NTNG1: variants seen among roughly 807,000 people sequenced by gnomAD.
The protein encoded by NTNG1 is netrin-G1.
NTNG1 carries 16 observed loss-of-function variants against 54.0 expected under a neutral mutation model. That is an observed-to-expected ratio of 0.30 (90% CI 0.20 to 0.45). The LOEUF is 0.45. NTNG1 is among the 20% of genes least tolerant of loss of function. The probability of loss-of-function intolerance (pLI) is 1.00; values close to 1 mark genes in which losing one functional copy is unlikely to be tolerated. For synonymous variants in NTNG1, 255 were observed against 263.1 expected (o/e 0.97, Z 0.30); for missense variants, 530 against 678.7 (o/e 0.78, Z 2.43).
At chr1:107,389,971 C>T (rs905234712) in intron 3 of NTNG1, among the ~76,000 whole-genome samples, 2 of 152,106 alleles carry the variant, frequency 1.3e-5, no homozygotes, top group Admixed American at 1.3e-4. Context: ...ATCGTGAGGC[C>T]GGAGGTCACA....
At chr1:107,460,200 A>T (rs1274504750) in intron 7 of NTNG1, among the ~76,000 whole-genome samples, 2 of 152,176 alleles carry the variant, frequency 1.3e-5, no homozygotes, top group Non-Finnish European at 2.9e-5. Context: ...CGTGAGCTTC[A>T]TGAAACTCAG....
chr1:107,157,395 AAGAT>A (rs1328667405), intron 2 of NTNG1, among the ~76,000 whole-genome samples: 1 of 152,194 alleles, frequency 6.6e-6, no homozygotes, highest in Non-Finnish European at 1.5e-5. Flanking sequence ...GTCCACCAGA[AAGAT>A]AGAGAAAGAT....
Position 107,148,246 on chromosome 1 carries a change from AATT to A in NTNG1, c.-342_-340del, listed in dbSNP as rs1654282369. ...CAACGGGAGAGCCATCGCTTTGCTAAATTATTATCTGCAATTGGACATCTTTTA... is the reference window on the plus strand; with the variant it reads ...CAACGGGAGAGCCATCGCTTTGCTAAATTATCTGCAATTGGACATCTTTTA... On this transcript the variant is annotated 5_prime_UTR_variant, in exon 2 of 8. Coordinates refer to ENST00000370068, the MANE Select transcript of NTNG1 (RefSeq NM_001113226.3). The A allele has an allele frequency of 5.0e-6, 1 of 200,560 alleles. No homozygotes were observed. Among genetic ancestry groups the A allele is most frequent in the Non-Finnish European group, 1.0e-5 (1 of 98,152 alleles). The allele number at this position is 200,560 out of a possible 1,614,324, so 12.4% of individuals were successfully genotyped here.
At chr1:107,245,399 A>G (rs1390477927) in intron 2 of NTNG1, among the ~76,000 whole-genome samples, 2 of 152,212 alleles carry the variant, frequency 1.3e-5, no homozygotes, top group Non-Finnish European at 2.9e-5. Flanking sequence ...CAGGAGAAAA[A>G]TCAGAATGTT....
intron 5 of NTNG1, 172 bp downstream of exon 5, chr1:107,407,880 G>T: frequency 1.3e-6 from 1 of 754,358 alleles, no homozygotes; most frequent in Non-Finnish European, 2.4e-6. Flanking sequence ...TGAGAACACA[G>T]ATAAAGTGAT....
chr1:107,323,838 A>G (rs1256215732), intron 2 of NTNG1, among the ~76,000 whole-genome samples: 1 of 152,114 alleles, frequency 6.6e-6, no homozygotes, highest in African/African-American at 2.4e-5. Context: ...ACAGGTATCT[A>G]TGGTTCATGG....
intron 2 of NTNG1, among the ~76,000 whole-genome samples, chr1:107,308,012 GTT>G (rs201033868): frequency 6.8e-6 from 1 of 146,512 alleles, no homozygotes; most frequent in Non-Finnish European, 1.5e-5. Context: ...TTTTAATAGT[GTT>G]TTTTTTTTTC....
At chr1:107,227,766 A>G (rs1358443878) in intron 2 of NTNG1, among the ~76,000 whole-genome samples, 1 of 151,928 alleles carries the variant, frequency 6.6e-6, no homozygotes, top group East Asian at 1.9e-4. Context: ...GAAACCTTCC[A>G]TTACCATTTG....
At chr1:107,309,807 C>A (rs1209485904) in intron 2 of NTNG1, among the ~76,000 whole-genome samples, 1 of 152,156 alleles carries the variant, frequency 6.6e-6, no homozygotes, top group Non-Finnish European at 1.5e-5. Flanking sequence ...TTCTACCCAG[C>A]TTTTAATGCT....
chr1:107,304,069 C>T (rs1357007359), intron 2 of NTNG1, among the ~76,000 whole-genome samples: 4 of 151,878 alleles, frequency 2.6e-5, no homozygotes. Flanking sequence ...TGACTTCTGC[C>T]TCAACAGCCT....
At chr1:107,227,065 A>C (rs923698553) in intron 2 of NTNG1, among the ~76,000 whole-genome samples, 1 of 152,094 alleles carries the variant, frequency 6.6e-6, no homozygotes, top group South Asian at 2.1e-4. Context: ...GGATCGGAGT[A>C]GGGGTGGAGA....
At chr1:107,218,454 G>A (rs915486060) in intron 2 of NTNG1, among the ~76,000 whole-genome samples, 69 of 152,028 alleles carry the variant, frequency 4.5e-4, no homozygotes, top group African/African-American at 1.6e-3. Context: ...TACATTCAAC[G>A]TTAGTGTTGA....
intron 2 of NTNG1, among the ~76,000 whole-genome samples, chr1:107,279,045 T>C (rs982361213): frequency 1.2e-4 from 19 of 152,176 alleles, no homozygotes; most frequent in Admixed American, 5.2e-4. Context: ...CTGGGGTTAC[T>C]ATGACTACAT....
intron 7 of NTNG1, among the ~76,000 whole-genome samples, chr1:107,468,620 C>T (rs948503534): frequency 5.9e-5 from 9 of 152,260 alleles, no homozygotes; most frequent in African/African-American, 1.9e-4. Context: ...GGCTGTACTC[C>T]CACAAAGAAC....
intron 5 of NTNG1, 58 bp downstream of exon 5, chr1:107,407,766 G>A (rs1027434165): frequency 1.5e-6 from 2 of 1,368,636 alleles, no homozygotes; most frequent in African/African-American, 2.9e-5. Flanking sequence ...GCTTTGCTTT[G>A]TTGTTCACCT....
intron 3 of NTNG1, among the ~76,000 whole-genome samples, chr1:107,351,925 C>CA (rs1669635968): frequency 6.6e-6 from 1 of 152,246 alleles, no homozygotes; most frequent in African/African-American, 2.4e-5. Context: ...AAAGGGGCTA[C>CA]AGGCCCCGTG....
intron 2 of NTNG1, among the ~76,000 whole-genome samples, chr1:107,300,103 C>A (rs1035229808): frequency 6.6e-6 from 1 of 152,122 alleles, no homozygotes; most frequent in South Asian, 2.1e-4. Context: ...AACAAGAATG[C>A]GGACCGAGGC....
chr1:107,189,475 G>A (rs946895916), intron 2 of NTNG1, among the ~76,000 whole-genome samples: 9 of 149,556 alleles, frequency 6.0e-5, no homozygotes, highest in East Asian at 2.0e-4. Context: ...AAAAAAAGGC[G>A]GGGGAGGGGT....
At chr1:107,409,907 T>C (rs1301495233) in intron 5 of NTNG1, 1 of 152,164 alleles carries the variant, frequency 6.6e-6, no homozygotes, top group Admixed American at 6.5e-5. Flanking sequence ...TGTGGGCTTA[T>C]AAGTTGCTTT....
Sources: gnomAD v4.1 joint callset for allele counts (sites outside exome capture counted in the v4.1 genomes callset) on GRCh38, gnomAD v4.1.1 for gene constraint, MANE v1.5 for transcripts, NCBI Gene and HGNC (gene_info 2026-07-23, HGNC 2026-07-21) for gene names.